Variants in STRN observed in about 807,000 individuals in gnomAD.
The protein encoded by STRN is striatin.
In STRN, 53 loss-of-function variants were observed where a neutral mutation model predicts 96.3. The observed-to-expected ratio is 0.55, with a 90% CI of 0.44 to 0.69. The LOEUF (loss-of-function observed/expected upper bound fraction) is 0.69, where lower values mean the gene tolerates loss of function less well. STRN is among the 30% of genes least tolerant of loss of function. STRN has a pLI of 0.00. For missense variants in STRN, 987 were observed against 963.9 expected (o/e 1.02, Z -0.32); for synonymous variants, 428 against 355.9 (o/e 1.20, Z -2.28).
chr2:36,953,080 T>A (rs1664800402), intron 1 of STRN, among the ~76,000 whole-genome samples: 1 of 152,226 alleles, frequency 6.6e-6, no homozygotes, highest in Non-Finnish European at 1.5e-5. Flanking sequence ...TCTCTCACAT[T>A]CAAATGAATG....
At chr2:36,920,230 T>A (rs1670216296) in intron 2 of STRN, among the ~76,000 whole-genome samples, 1 of 152,208 alleles carries the variant, frequency 6.6e-6, no homozygotes, top group African/African-American at 2.4e-5. Flanking sequence ...TAATTTTTTT[T>A]AAAATTCAAT....
chr2:36,888,637 ATATGTG>A (rs1221937591), intron 7 of STRN, among the ~76,000 whole-genome samples: 195 of 70,242 alleles, frequency 2.8e-3, no homozygotes, highest in African/African-American at 7.8e-3. Context: ...TTTTTAATTT[ATATGTG>A]TGTGTGTGTG....
At chr2:36,887,121 A>C (rs1215241216) in intron 7 of STRN, among the ~76,000 whole-genome samples, 2 of 151,956 alleles carry the variant, frequency 1.3e-5, no homozygotes, top group Non-Finnish European at 2.9e-5. Flanking sequence ...AATTAAGCAC[A>C]AACACTTTAC....
chr2:36,938,226 G>A (rs1376608258), intron 1 of STRN, among the ~76,000 whole-genome samples: 3 of 152,066 alleles, frequency 2.0e-5, no homozygotes, highest in South Asian at 2.1e-4. Context: ...AGGAGTTCAA[G>A]ATCAGCCTGG....
chr2:36,877,663 G>C (rs969493539), intron 10 of STRN, among the ~76,000 whole-genome samples: 1 of 152,052 alleles, frequency 6.6e-6, no homozygotes, highest in African/African-American at 2.4e-5. Flanking sequence ...AGCCCCCCTA[G>C]TAGCTGGGAT....
At chr2:36,892,866 C>G (rs941317869) in intron 7 of STRN, among the ~76,000 whole-genome samples, 1 of 151,948 alleles carries the variant, frequency 6.6e-6, no homozygotes, top group Non-Finnish European at 1.5e-5. Context: ...ACTAAAAATA[C>G]AAAAATTAGC....
intron 1 of STRN, among the ~76,000 whole-genome samples, chr2:36,957,114 C>G (rs1018866232): frequency 1.3e-5 from 2 of 152,218 alleles, no homozygotes; most frequent in Non-Finnish European, 2.9e-5. Flanking sequence ...AAAAATCAAA[C>G]ACCCTACCCC....
rs1049713427 is a variant in STRN, at chr2:36,842,765, A to C, written c.*6691T>G. Among the ~76,000 whole-genome samples, 7 of 152,170 alleles carry C rather than the reference A, an allele frequency of 4.6e-5. No individual in the cohort carries two copies. Among genetic ancestry groups the C allele is most frequent in the African/African-American group, 1.7e-4 (7 of 41,438 alleles). On this transcript the variant is annotated 3_prime_UTR_variant, in exon 18 of 18. Coordinates refer to ENST00000263918, the MANE Select transcript of STRN (RefSeq NM_003162.4). ...TGATATACAAAACTTACTGAGTTAA[A>C]ATTTGTGTTTCAGAAAACGGATTCC... is the stretch of plus-strand genomic sequence containing the variant.
intron 7 of STRN, among the ~76,000 whole-genome samples, chr2:36,892,476 T>C (rs952965573): frequency 2.0e-5 from 3 of 152,242 alleles, no homozygotes; most frequent in Non-Finnish European, 4.4e-5. Context: ...AATAGGGTAA[T>C]CTGTATAATT....
At chr2:36,947,256 T>C (rs1403690475) in intron 1 of STRN, among the ~76,000 whole-genome samples, 1 of 152,124 alleles carries the variant, frequency 6.6e-6, no homozygotes, top group African/African-American at 2.4e-5. Context: ...GGACAAGTTT[T>C]AGTAAAACAA....
chr2:36,919,363 C>T (rs1466446600), intron 2 of STRN, among the ~76,000 whole-genome samples: 1 of 151,942 alleles, frequency 6.6e-6, no homozygotes, highest in African/African-American at 2.4e-5. Flanking sequence ...AAGAAAGCTA[C>T]CAAAAAGAAG....
chr2:36,896,996 T>G (rs1214803686), intron 6 of STRN, among the ~76,000 whole-genome samples: 2 of 151,952 alleles, frequency 1.3e-5, no homozygotes. Flanking sequence ...GGAGAAACCC[T>G]GTCTCTACTA....
chr2:36,848,008 G>A lies in STRN; in HGVS notation c.*1448C>T, dbSNP rs550470583. 6.6e-6 allele frequency: 1 copy of A among 152,184 alleles called. No individual in the cohort carries two copies. Among genetic ancestry groups the A allele is most frequent in the African/African-American group, 2.4e-5 (1 of 41,440 alleles). 9.4% of individuals were successfully genotyped at this position (152,184 alleles called of 1,614,324 possible). A position where few individuals can be genotyped will look rare whatever the true frequency, so the allele number is the denominator to read the frequency against. On this transcript the variant is annotated 3_prime_UTR_variant, in exon 18 of 18. Coordinates refer to ENST00000263918, the MANE Select transcript of STRN (RefSeq NM_003162.4). ...TGGTCTCTGTCATTTGGGACAAAGA[G>A]TAAGAGAGACATAAACCACTATAGA... is the stretch of plus-strand genomic sequence containing the variant.
At chr2:36,881,185 T>C (rs894946666) in intron 9 of STRN, among the ~76,000 whole-genome samples, 2 of 138,524 alleles carry the variant, frequency 1.4e-5, no homozygotes, top group Non-Finnish European at 1.5e-5. Flanking sequence ...TGAAGTGCAG[T>C]GGTGTGATGT....
rs1234744375 is a variant in STRN, at chr2:36,848,998, T to TA, written c.*457dup. On this transcript the variant is annotated 3_prime_UTR_variant, in exon 18 of 18. Transcript: ENST00000263918. Reference sequence around the variant, plus strand: ...AAAGGGGTTAATATGGCAGATATGATAAAGATTACTATTTTGACTACTTAA... The same window carrying TA: ...AAAGGGGTTAATATGGCAGATATGATAAAAGATTACTATTTTGACTACTTAA... 6.3e-6 allele frequency: 1 copy of TA among 158,046 alleles called. No homozygotes were observed. The highest frequency in any genetic ancestry group is 2.4e-5 in the African/African-American group (1 of 41,480). The allele number at this position is 158,046 out of a possible 1,614,324, so 9.8% of individuals were successfully genotyped here.
At chr2:36,878,579 C>G (rs1259309620) in intron 9 of STRN, among the ~76,000 whole-genome samples, 1 of 152,118 alleles carries the variant, frequency 6.6e-6, no homozygotes, top group Non-Finnish European at 1.5e-5. Context: ...GAAGCAACAA[C>G]AGGACTTCCA....
At chr2:36,942,683 T>C (rs1010317923) in intron 1 of STRN, among the ~76,000 whole-genome samples, 3 of 152,198 alleles carry the variant, frequency 2.0e-5, no homozygotes, top group Admixed American at 2.0e-4. Flanking sequence ...CTCCCAGTAC[T>C]GGGTGTTAGC....
At chr2:36,955,365 G>T (rs1664859452) in intron 1 of STRN, among the ~76,000 whole-genome samples, 1 of 152,206 alleles carries the variant, frequency 6.6e-6, no homozygotes. Context: ...GTCTAATGAA[G>T]AAAGAAAATC....
Position 36,845,820 on chromosome 2 carries a change from G to T in STRN, c.*3636C>A, listed in dbSNP as rs1248540646. On this transcript the variant is annotated 3_prime_UTR_variant, in exon 18 of 18. Transcript: ENST00000263918. ...GCATGAAATGTCCCCTGAAGTCCTA[G>T]AAGTTGAGCAGATACATTAAAAAGA... 6.6e-6 allele frequency: 1 copy of T among 151,610 alleles called. No individual in the cohort carries two copies. Among genetic ancestry groups the T allele is most frequent in the African/African-American group, 2.4e-5 (1 of 41,210 alleles). The allele number at this position is 151,610 out of a possible 1,614,324, so 9.4% of individuals were successfully genotyped here. A position where few individuals can be genotyped will look rare whatever the true frequency, so the allele number is the denominator to read the frequency against.
Sources: gnomAD v4.1 joint callset for allele counts (sites outside exome capture counted in the v4.1 genomes callset) on GRCh38, gnomAD v4.1.1 for gene constraint, MANE v1.5 for transcripts, NCBI Gene and HGNC (gene_info 2026-07-23, HGNC 2026-07-21) for gene names.